Variants in BRI3BP observed in about 807,000 individuals in gnomAD.
BRI3BP encodes BRI3 binding protein.
In BRI3BP, 7 loss-of-function variants were observed where a neutral mutation model predicts 15.8. The observed-to-expected ratio is 0.44, with a 90% CI of 0.25 to 0.83. BRI3BP has a LOEUF of 0.83. Ranked by LOEUF, BRI3BP falls within the 40% of genes least tolerant of loss-of-function variation. BRI3BP has a pLI of 0.20. For missense variants in BRI3BP, 320 were observed against 339.3 expected, an observed-to-expected ratio of 0.94 and a Z score of 0.45; for synonymous variants, 192 against 163.5, an observed-to-expected ratio of 1.17 and a Z score of -1.33.
rs550650510 is a variant in BRI3BP at position 125,025,592 on chromosome 12, A to T, written c.*162A>T. On this transcript the variant is annotated 3_prime_UTR_variant, in exon 3 of 3. Coordinates refer to ENST00000341446, the MANE Select transcript of BRI3BP (RefSeq NM_080626.6). ...CCACCCACCCGGCAGCTCTTAGGACACATTCCCAGAAGAGCGGAAAGATCA... is the reference window on the plus strand; with the variant it reads ...CCACCCACCCGGCAGCTCTTAGGACTCATTCCCAGAAGAGCGGAAAGATCA... 4 of 691,442 alleles carry T rather than the reference A, an allele frequency of 5.8e-6. No individual in the cohort carries two copies. In the East Asian group the frequency reaches 1.1e-4, roughly 19 times the overall value. 42.8% of individuals were successfully genotyped at this position (691,442 alleles called of 1,614,324 possible).
intron 1 of BRI3BP, among the ~76,000 whole-genome samples, chr12:125,009,952 A>G (rs1217928398): frequency 1.3e-5 from 2 of 152,058 alleles, no homozygotes; most frequent in African/African-American, 2.4e-5. Flanking sequence ...AAATACAAAA[A>G]TTAGCTGGGT....
At position 125,027,078 on chromosome 12, in the gene BRI3BP, T is replaced by G. The variant is rs1482255885; in HGVS notation, c.*1648T>G. On this transcript the variant is annotated 3_prime_UTR_variant, in exon 3 of 3. Transcript: ENST00000341446. ...CGCTCACAGTGCCCTGCGTGCAGGT[T>G]TATAGATAACCCCTGCCAGACCTGC... 1.3e-5 allele frequency: 2 copies of G among 152,138 alleles called. No individual in the cohort carries two copies. Among genetic ancestry groups the G allele is most frequent in the Non-Finnish European group, 2.9e-5 (2 of 68,034 alleles). 9.4% of individuals were successfully genotyped at this position (152,138 alleles called of 1,614,324 possible).
chr12:125,032,409 A>G (rs1396875131), downstream of BRI3BP, among the ~76,000 whole-genome samples: 23 of 151,614 alleles, frequency 1.5e-4, no homozygotes, highest in Admixed American at 1.5e-3. Flanking sequence ...AGTGAGCTGA[A>G]ATCGCGCCAC....
rs1309449057 is a variant in BRI3BP at position 125,016,672 on chromosome 12, T to C, written c.316+4036T>C. Among the ~76,000 whole-genome samples, 8 of 151,314 alleles carry C rather than the reference T, an allele frequency of 5.3e-5. No individual in the cohort carries two copies. In the East Asian group the frequency reaches 1.6e-3, roughly 30 times the overall value. On this transcript the variant is annotated intron_variant, in intron 2 of 2. Transcript: ENST00000341446. ...TGCCAAGTAGCTGGGATTACAGGCA[T>C]GCACCACCACACCCGGCTAATTTTT...
At chr12:125,022,385 T>C (rs1955306064) in intron 2 of BRI3BP, among the ~76,000 whole-genome samples, 1 of 152,158 alleles carries the variant, frequency 6.6e-6, no homozygotes, top group South Asian at 2.1e-4. Context: ...GGGTCTCTTC[T>C]CAATTAATGG....
At chr12:125,024,323 C>CT (rs1555217921) in intron 2 of BRI3BP, among the ~76,000 whole-genome samples, 1 of 151,088 alleles carries the variant, frequency 6.6e-6, no homozygotes, top group Non-Finnish European at 1.5e-5. Flanking sequence ...AATCACCCCC[C>CT]ACGAGGTTCC....
rs1955354904 is a variant in BRI3BP, at chr12:125,026,399, T to C, written c.*969T>C. On this transcript the variant is annotated 3_prime_UTR_variant, in exon 3 of 3. Transcript: ENST00000341446. ...CAGCTAATATTCTCAAGTATATTGC[T>C]GCTTAGAAAGATCCTCAGGAACAAT... 1 of 152,134 alleles carries C rather than the reference T, an allele frequency of 6.6e-6. No homozygotes were observed. Among genetic ancestry groups the C allele is most frequent in the African/African-American group, 2.4e-5 (1 of 41,418 alleles). The allele number at this position is 152,134 out of a possible 1,614,324, so 9.4% of individuals were successfully genotyped here.
chr12:125,036,565 A>G, the BRI3BP span, among the ~76,000 whole-genome samples: 6 of 127,780 alleles, frequency 4.7e-5, no homozygotes, highest in Non-Finnish European at 8.7e-5. Flanking sequence ...ATGAAACAAC[A>G]GCTAGCACAA....
rs1393520959 is a variant in BRI3BP at position 125,029,554 on chromosome 12, G to A, written c.*4124G>A. 1.4e-5 allele frequency: 2 copies of A among 144,132 alleles called. No homozygotes were observed. Among genetic ancestry groups the A allele is most frequent in the East Asian group, 4.0e-4 (2 of 5,036 alleles). The allele number at this position is 144,132 out of a possible 1,614,324, so 8.9% of individuals were successfully genotyped here. A position where few individuals can be genotyped will look rare whatever the true frequency, so the allele number is the denominator to read the frequency against. On this transcript the variant is annotated 3_prime_UTR_variant, in exon 3 of 3. Transcript: ENST00000341446. Reference sequence around the variant, plus strand: ...CTCAAAAAAAAAAAAAAGTGTGTGTGTGTGTATATATATGTATATATATAT... The same window carrying A: ...CTCAAAAAAAAAAAAAAGTGTGTGTATGTGTATATATATGTATATATATAT...
intron 1 of BRI3BP, among the ~76,000 whole-genome samples, chr12:125,004,450 G>A (rs11609954): frequency 0.29 from 43,362 of 152,034 alleles, 6,459 homozygotes; most frequent in South Asian, 0.46. Context: ...GATTACAGGC[G>A]TTAGCCACCA....
At chr12:125,016,463 T>C (rs1161396708) in intron 2 of BRI3BP, among the ~76,000 whole-genome samples, 1 of 139,472 alleles carries the variant, frequency 7.2e-6, no homozygotes, top group East Asian at 2.2e-4. Context: ...CTAGTAACCA[T>C]GTCAAAAGAG....
At chr12:125,001,727 T>C (rs1955093281) in intron 1 of BRI3BP, among the ~76,000 whole-genome samples, 1 of 125,378 alleles carries the variant, frequency 8.0e-6, no homozygotes, top group Non-Finnish European at 1.7e-5. Context: ...AGACTAAATG[T>C]CTTTTTTTTT....
rs1462297761 is a variant in BRI3BP at position 124,993,776 on chromosome 12, C to T, written c.-15C>T. On this transcript the variant is annotated 5_prime_UTR_variant, in exon 1 of 3. Transcript: ENST00000341446. ...CCTCACCCCGCATCGCGACCCCGCGCCCCGCCGGCCGAGCATGGGCGCGCG... is the reference window on the plus strand; with the variant it reads ...CCTCACCCCGCATCGCGACCCCGCGTCCCGCCGGCCGAGCATGGGCGCGCG... 1.9e-5 allele frequency: 19 copies of T among 1,012,628 alleles called. No individual in the cohort carries two copies. The South Asian group carries it at 6.6e-4, about 35-fold the overall frequency. The allele number at this position is 1,012,628 out of a possible 1,614,324, so 62.7% of individuals were successfully genotyped here.
Position 124,993,909 on chromosome 12 carries a change from G to T in BRI3BP, c.119G>T (p.Gly40Val). 1 of 1,289,862 alleles carries T rather than the reference G, an allele frequency of 7.8e-7. No homozygotes were observed. The highest frequency in any genetic ancestry group is 9.9e-7 in the Non-Finnish European group (1 of 1,010,536). 79.9% of individuals were successfully genotyped at this position (1,289,862 alleles called of 1,614,324 possible). A position where few individuals can be genotyped will look rare whatever the true frequency, so the allele number is the denominator to read the frequency against. Reference sequence around the variant, plus strand: ...GCGCAGGGGGCGCGGGGCCGCGGCGGCGCGGAGAAGAACAGCTACCGCCGC... The same window carrying T: ...GCGCAGGGGGCGCGGGGCCGCGGCGTCGCGGAGAAGAACAGCTACCGCCGC... ...PGAQGARGRG[G>V]AEKNSYRRTV... Residue 40 changes from glycine to valine, a missense_variant, in exon 1 of 3, where the codon GGC (glycine) becomes GTC (valine). By Grantham distance (109) the Gly-to-Val change is moderately radical. Transcript: ENST00000341446.
intron 1 of BRI3BP, among the ~76,000 whole-genome samples, chr12:125,003,231 G>A (rs1955111691): frequency 6.6e-6 from 1 of 152,180 alleles, no homozygotes; most frequent in Non-Finnish European, 1.5e-5. Context: ...TTAGGATGCA[G>A]GAAGGCCATT....
intron 1 of BRI3BP, among the ~76,000 whole-genome samples, chr12:124,994,834 C>G (rs771266334): frequency 6.6e-6 from 1 of 152,156 alleles, no homozygotes; most frequent in African/African-American, 2.4e-5. Flanking sequence ...TTGCCGCCAG[C>G]CTTCCTGGGG....
rs1230344265 is a variant in BRI3BP, at chr12:125,030,964, T to C, written c.*5534T>C. 2 of 115,434 alleles carry C rather than the reference T, an allele frequency of 1.7e-5. No homozygotes were observed. Among genetic ancestry groups the C allele is most frequent in the African/African-American group, 3.0e-5 (1 of 33,800 alleles). 7.2% of individuals were successfully genotyped at this position (115,434 alleles called of 1,614,324 possible). On this transcript the variant is annotated 3_prime_UTR_variant, in exon 3 of 3. Coordinates refer to ENST00000341446, the MANE Select transcript of BRI3BP (RefSeq NM_080626.6). ...TTGAATAGTGTGTGTGTGTACATGG[T>C]GTGTGTGTGTGTGTGCACTTTAGTT...
Position 125,025,492 on chromosome 12 carries a change from G to A in BRI3BP, c.*62G>A, listed in dbSNP as rs1283994041. 6 of 1,412,116 alleles carry A rather than the reference G, an allele frequency of 4.2e-6. No individual in the cohort carries two copies. Among genetic ancestry groups the A allele is most frequent in the Non-Finnish European group, 4.7e-6 (5 of 1,063,008 alleles). The allele number at this position is 1,412,116 out of a possible 1,614,324, so 87.5% of individuals were successfully genotyped here. A position where few individuals can be genotyped will look rare whatever the true frequency, so the allele number is the denominator to read the frequency against. On this transcript the variant is annotated 3_prime_UTR_variant, in exon 3 of 3. Coordinates refer to ENST00000341446, the MANE Select transcript of BRI3BP (RefSeq NM_080626.6). ...CGCTGTCTCAGAAAACGAAAACGGAGGAAAAAAACCCCAAACCCCAAACAA... is the reference window on the plus strand; with the variant it reads ...CGCTGTCTCAGAAAACGAAAACGGAAGAAAAAAACCCCAAACCCCAAACAA...
intron 1 of BRI3BP, among the ~76,000 whole-genome samples, chr12:125,002,375 A>C (rs1190896902): frequency 2.0e-5 from 3 of 150,518 alleles, no homozygotes; most frequent in Non-Finnish European, 4.4e-5. Flanking sequence ...GCTATGGTCT[A>C]CCTTTTTAAT....
Sources: allele counts gnomAD v4.1 joint callset (sites outside exome capture counted in the v4.1 genomes callset), GRCh38; gene constraint gnomAD v4.1.1; transcripts MANE v1.5; gene names NCBI Gene and HGNC (gene_info 2026-07-23, HGNC 2026-07-21).